The following CTNNA2 variants were observed in gnomAD, a reference collection of about 807,000 sequenced individuals.
CTNNA2 encodes catenin alpha 2.
A neutral mutation model predicts 101.0 loss-of-function variants in CTNNA2; 42 were observed. The observed-to-expected ratio is 0.42, with a 90% CI of 0.32 to 0.54. The LOEUF (loss-of-function observed/expected upper bound fraction) is 0.54, where lower values mean the gene tolerates loss of function less well. Among genes scored for constraint, CTNNA2 ranks in the 20% least tolerant of loss-of-function variants. CTNNA2 has a pLI of 0.14. For synonymous variants in CTNNA2, 450 were observed against 456.4 expected, an observed-to-expected ratio of 0.99 and a Z score of 0.18; for missense variants, 871 against 1,223.1, an observed-to-expected ratio of 0.71 and a Z score of 4.29.
chr2:79,834,846 G>T (rs990004596), intron 3 of CTNNA2, among the ~76,000 whole-genome samples: 1 of 151,944 alleles, frequency 6.6e-6, no homozygotes, highest in Admixed American at 6.6e-5. Context: ...TTACATTTAA[G>T]TCTTTATCTT....
At chr2:80,357,445 G>T (rs775152720) in intron 7 of CTNNA2, among the ~76,000 whole-genome samples, 1 of 151,954 alleles carries the variant, frequency 6.6e-6, no homozygotes, top group South Asian at 2.1e-4. Flanking sequence ...CAGAGGCCAG[G>T]AAGTCTTTTC....
chr2:80,428,169 A>G (rs1302552149), intron 9 of CTNNA2, among the ~76,000 whole-genome samples: 1 of 152,180 alleles, frequency 6.6e-6, no homozygotes, highest in East Asian at 1.9e-4. Flanking sequence ...AAACAAAGAG[A>G]CCAGTGTGAC....
Position 79,213,728 on chromosome 2 carries a change from G to T in CTNNA2, c.-406+15652G>T, listed in dbSNP as rs1156688791. ...CCAGAATAATGTGGGAGGCTGGATT[G>T]AAGTCCGGGCAAGGAACAATGGTAA... On this transcript the variant is annotated intron_variant, in intron 2 of 21. Coordinates refer to the CTNNA2 transcript ENST00000466387. Among the ~76,000 whole-genome samples the T allele has an allele frequency of 3.3e-5, 5 of 152,212 alleles. 1 individual carries two copies. In the South Asian group the frequency reaches 8.3e-4, roughly 25 times the overall value.
chr2:79,870,439 A>C (rs1005847215), intron 5 of CTNNA2, among the ~76,000 whole-genome samples: 1 of 151,060 alleles, frequency 6.6e-6, no homozygotes, highest in African/African-American at 2.4e-5. Context: ...GGAACGGAGA[A>C]AGGGAGAGAG....
chr2:79,791,877 A>G (rs2105255848), intron 3 of CTNNA2, among the ~76,000 whole-genome samples: 1 of 152,276 alleles, frequency 6.6e-6, no homozygotes, highest in East Asian at 1.9e-4. Context: ...ATCATTCTCA[A>G]CCATCTACCA....
chr2:80,232,333 GTTTGTTTGTTTGTTTTTTTTTTTTTTT>G (rs1709266451), intron 7 of CTNNA2, among the ~76,000 whole-genome samples: 8 of 45,354 alleles, frequency 1.8e-4, no homozygotes, highest in Admixed American at 8.6e-4. Flanking sequence ...TTGTTTGTTT[GTTTGTTTGTTTGTTTTTTTTTTTTTTT>G]TTTTTTTTTT....
intron 7 of CTNNA2, among the ~76,000 whole-genome samples, chr2:80,277,155 G>C (rs1376493889): frequency 6.6e-6 from 1 of 152,128 alleles, no homozygotes; most frequent in African/African-American, 2.4e-5. Flanking sequence ...CAACCAAATG[G>C]GGAAACTGTG....
chr2:79,814,567 C>A (rs1194986814), intron 3 of CTNNA2, among the ~76,000 whole-genome samples: 2 of 151,466 alleles, frequency 1.3e-5, no homozygotes, highest in African/African-American at 4.9e-5. Context: ...TTAATTCATT[C>A]CTTTTCATGG....
chr2:80,614,685 T>C (rs892560654), intron 17 of CTNNA2, among the ~76,000 whole-genome samples: 7 of 151,676 alleles, frequency 4.6e-5, no homozygotes, highest in African/African-American at 1.7e-4. Flanking sequence ...TTAAATAATT[T>C]AAAAATACTT....
intron 4 of CTNNA2, among the ~76,000 whole-genome samples, chr2:79,405,322 T>A (rs1427014993): frequency 6.6e-6 from 1 of 151,886 alleles, no homozygotes; most frequent in Non-Finnish European, 1.5e-5. Flanking sequence ...GACAATTTGT[T>A]TTTATTTTTA....
rs529925828 is a variant in CTNNA2 at position 79,551,639 on chromosome 2, T to G, written c.-6+38432T>G. On this transcript the variant is annotated intron_variant, in intron 1 of 18. Transcript: ENST00000402739. ...ATTGCTATAAAGAATTACCTGTGAC[T>G]GGGTAATTTATAAAGAATAGAGGTT... Among the ~76,000 whole-genome samples, 6 of 152,278 alleles carry G rather than the reference T, an allele frequency of 3.9e-5. No homozygotes were observed. In the East Asian group the frequency reaches 9.7e-4, roughly 25 times the overall value.
At chr2:79,894,977 T>C (rs945496772) in intron 6 of CTNNA2, among the ~76,000 whole-genome samples, 2 of 152,258 alleles carry the variant, frequency 1.3e-5, no homozygotes, top group African/African-American at 4.8e-5. Context: ...AATGTTGGTA[T>C]ATGCCATACC....
At chr2:80,522,096 T>A (rs1689608395) in intron 9 of CTNNA2, among the ~76,000 whole-genome samples, 1 of 152,228 alleles carries the variant, frequency 6.6e-6, no homozygotes, top group Admixed American at 6.5e-5. Flanking sequence ...CCAACCTGGA[T>A]CCTGTGTTTC....
chr2:80,488,940 C>T (rs1326344554), intron 9 of CTNNA2, among the ~76,000 whole-genome samples: 2 of 152,192 alleles, frequency 1.3e-5, no homozygotes, highest in East Asian at 3.9e-4. Flanking sequence ...CACACACACA[C>T]AGCATGGTAC....
intron 5 of CTNNA2, among the ~76,000 whole-genome samples, chr2:79,506,747 A>G (rs1303196869): frequency 1.3e-5 from 2 of 152,216 alleles, no homozygotes; most frequent in Non-Finnish European, 2.9e-5. Context: ...ATACCTCTGT[A>G]TTCTGGATAT....
At chr2:80,366,756 A>G (rs889871052) in intron 7 of CTNNA2, among the ~76,000 whole-genome samples, 1 of 152,168 alleles carries the variant, frequency 6.6e-6, no homozygotes, top group Non-Finnish European at 1.5e-5. Context: ...GACAGGTCTC[A>G]GTTACTTTAG....
In CTNNA2 at chr2:79,635,999, C is replaced by T. The variant is rs1217296663; in HGVS notation, c.-5-15553C>T. Among the ~76,000 whole-genome samples the T allele has an allele frequency of 4.0e-5, 6 of 150,540 alleles. No homozygotes were observed. The East Asian group carries it at 8.2e-4, about 21-fold the overall frequency. On this transcript the variant is annotated intron_variant, in intron 1 of 18. Transcript: ENST00000402739. ...GTGGGGGGCCGGGTGCGGTGGCTCA[C>T]GCCTGTCATCCCAGCACTTTGGGAG...
chr2:80,647,967 G>A lies in CTNNA2; in HGVS notation c.*95G>A. The A allele has an allele frequency of 1.6e-6, 2 of 1,217,334 alleles. No homozygotes were observed. Among genetic ancestry groups the A allele is most frequent in the Non-Finnish European group, 2.3e-6 (2 of 880,574 alleles). 75.4% of individuals were successfully genotyped at this position (1,217,334 alleles called of 1,614,324 possible). ...TGTATGCATACCTGCCAGCTCGTAT[G>A]CCTCTGGCATGGGGAAATTAAGGGA... On this transcript the variant is annotated 3_prime_UTR_variant, in exon 19 of 19. Coordinates refer to ENST00000402739, the MANE Select transcript of CTNNA2 (RefSeq NM_001282597.3).
intron 7 of CTNNA2, among the ~76,000 whole-genome samples, chr2:80,269,173 A>G (rs1348708822): frequency 6.6e-6 from 1 of 152,190 alleles, no homozygotes; most frequent in Non-Finnish European, 1.5e-5. Flanking sequence ...CTCATCTTGA[A>G]TGGTAGTTCC....
Sources: allele counts gnomAD v4.1 joint callset (sites outside exome capture counted in the v4.1 genomes callset), GRCh38; gene constraint gnomAD v4.1.1; transcripts MANE v1.5; gene names NCBI Gene and HGNC (gene_info 2026-07-23, HGNC 2026-07-21).